The following CPED1 variants were observed in gnomAD, a reference collection of about 807,000 sequenced individuals.
CPED1 encodes cadherin-like and PC-esterase domain-containing protein 1.
In CPED1, 114 loss-of-function variants were observed where a neutral mutation model predicts 128.2. The ratio of observed to expected loss-of-function variants is 0.89; its 90% CI spans 0.76 to 1.04. CPED1 has a LOEUF of 1.04. Among genes scored for constraint, CPED1 ranks in the 50% least tolerant of loss-of-function variants. The pLI is 0.00. For synonymous variants in CPED1, 462 were observed against 426.7 expected, an observed-to-expected ratio of 1.08 and a Z score of -1.02; for missense variants, 1,211 against 1,207.1, an observed-to-expected ratio of 1.00 and a Z score of -0.05.
chr7:121,273,753 G>T (rs1412977253), intron 22 of CPED1, among the ~76,000 whole-genome samples: 3 of 152,146 alleles, frequency 2.0e-5, no homozygotes, highest in Non-Finnish European at 4.4e-5. Flanking sequence ...TTGCAGAACA[G>T]ATTTTAAGCT....
intron 7 of CPED1, among the ~76,000 whole-genome samples, chr7:121,105,878 C>T (rs535192624): frequency 3.4e-4 from 52 of 152,190 alleles, no homozygotes; most frequent in African/African-American, 1.1e-3. Flanking sequence ...TTTGTACATT[C>T]GTTAATTCTG....
chr7:121,132,176 G>A (rs2116339324), intron 12 of CPED1, among the ~76,000 whole-genome samples: 1 of 152,128 alleles, frequency 6.6e-6, no homozygotes, highest in East Asian at 1.9e-4. Flanking sequence ...CAATGAGGAT[G>A]CATGTTATAT....
chr7:121,060,815 T>C (rs113447464), intron 4 of CPED1, among the ~76,000 whole-genome samples: 2,022 of 152,292 alleles, frequency 0.013, 28 homozygotes, highest in Middle Eastern at 0.034. Context: ...TGTGGAAGCT[T>C]TGTTCTTTTG....
chr7:121,008,928 C>G (rs1442856934), intron 2 of CPED1, among the ~76,000 whole-genome samples: 1 of 152,138 alleles, frequency 6.6e-6, no homozygotes. Context: ...GTTTTGCCAT[C>G]CAAAATCTGT....
chr7:121,088,509 A>C (rs1185960490), intron 5 of CPED1, among the ~76,000 whole-genome samples: 1 of 151,578 alleles, frequency 6.6e-6, no homozygotes, highest in African/African-American at 2.4e-5. Context: ...AATACAAAAA[A>C]TTAGTTGGGT....
intron 3 of CPED1, among the ~76,000 whole-genome samples, chr7:121,037,999 CTT>C (rs1237872804): frequency 6.6e-6 from 1 of 152,146 alleles, no homozygotes; most frequent in Non-Finnish European, 1.5e-5. Flanking sequence ...TATCCTGAAA[CTT>C]TGCTGAATTC....
intron 2 of CPED1, chr7:120,994,214 C>T (rs1287823509): frequency 6.5e-6 from 1 of 152,716 alleles, no homozygotes; most frequent in Non-Finnish European, 1.5e-5. Flanking sequence ...TGGCAAGAGG[C>T]CTCTCTTCTT....
At chr7:121,070,244 T>C (rs1320220155) in intron 5 of CPED1, among the ~76,000 whole-genome samples, 3 of 151,178 alleles carry the variant, frequency 2.0e-5, no homozygotes, top group Admixed American at 2.0e-4. Flanking sequence ...ATAATAGTTA[T>C]TTATTTTAGG....
intron 3 of CPED1, among the ~76,000 whole-genome samples, chr7:121,021,613 A>G (rs1475704904): frequency 6.6e-6 from 1 of 152,026 alleles, no homozygotes; most frequent in Non-Finnish European, 1.5e-5. Flanking sequence ...TAGGCTTTGG[A>G]AATTAAAAAG....
chr7:121,291,992 GT>G (rs562553719), intron 22 of CPED1, among the ~76,000 whole-genome samples: 6 of 151,864 alleles, frequency 4.0e-5, no homozygotes, highest in Non-Finnish European at 7.4e-5. Flanking sequence ...CCTAGTTGGG[GT>G]TGCTCTTCTT....
chr7:121,050,827 C>T (rs1450153618), intron 4 of CPED1: 5 of 462,960 alleles, frequency 1.1e-5, no homozygotes, highest in Admixed American at 7.0e-5. Context: ...GGAGCGGCAG[C>T]GGCCAGGCAG....
At chr7:121,193,992 C>T (rs1167497275) in intron 16 of CPED1, among the ~76,000 whole-genome samples, 1 of 128,850 alleles carries the variant, frequency 7.8e-6, no homozygotes, top group African/African-American at 2.9e-5. Flanking sequence ...CATGGATGAG[C>T]AAGCTCTCTC....
In CPED1 at chr7:120,989,504, C is replaced by G; in HGVS notation, c.-118C>G. On this transcript the variant is annotated 5_prime_UTR_variant, in exon 2 of 23. Transcript: ENST00000310396. ...GGAAAATTCTTAAGCAGGGATGAAG[C>G]AAACTTGATTGGAGTTGGGGAAAAA... The G allele has an allele frequency of 7.3e-7, 1 of 1,366,720 alleles. No homozygotes were observed. The highest frequency in any genetic ancestry group is 1.4e-5 in the South Asian group (1 of 72,262). 84.7% of individuals were successfully genotyped at this position (1,366,720 alleles called of 1,614,324 possible). A position where few individuals can be genotyped will look rare whatever the true frequency, so the allele number is the denominator to read the frequency against.
chr7:121,117,078 T>TATATATATATATATATATATAA (rs1795262757), intron 7 of CPED1, among the ~76,000 whole-genome samples: 2 of 9,278 alleles, frequency 2.2e-4, no homozygotes, highest in African/African-American at 3.0e-4. Flanking sequence ...ATATACACAT[T>TATATATATATATATATATATAA]ATATATATAT....
At chr7:121,150,871 C>T (rs1796142403) in intron 16 of CPED1, among the ~76,000 whole-genome samples, 2 of 152,002 alleles carry the variant, frequency 1.3e-5, no homozygotes, top group East Asian at 1.9e-4. Flanking sequence ...TGGGGTCAAG[C>T]GATTCTCCTG....
chr7:121,136,547 A>G (rs920225337), intron 14 of CPED1, among the ~76,000 whole-genome samples: 10 of 152,286 alleles, frequency 6.6e-5, no homozygotes, highest in South Asian at 2.1e-4. Context: ...TAACCAAGAC[A>G]TAATACGAGA....
At chr7:121,141,635 A>G (rs912198288) in intron 15 of CPED1, among the ~76,000 whole-genome samples, 30 of 152,010 alleles carry the variant, frequency 2.0e-4, no homozygotes, top group Non-Finnish European at 4.4e-5. Flanking sequence ...TGATGTGTTT[A>G]CCAGTTCTAG....
At chr7:121,070,850 G>T (rs6970001) in intron 5 of CPED1, among the ~76,000 whole-genome samples, 138,060 of 151,954 alleles carry the variant, frequency 0.91, 62,809 homozygotes, top group Middle Eastern at 0.99. Context: ...CCTCCCACCA[G>T]TTCGTAAATA....
At chr7:121,256,141 A>AAAAACAAAC (rs1791866950) in intron 18 of CPED1, among the ~76,000 whole-genome samples, 1 of 143,494 alleles carries the variant, frequency 7.0e-6, no homozygotes, top group African/African-American at 2.6e-5. Flanking sequence ...AAAAAAAAAA[A>AAAAACAAAC]CAAAGCTTAT....
Sources: allele counts gnomAD v4.1 joint callset (sites outside exome capture counted in the v4.1 genomes callset), GRCh38; gene constraint gnomAD v4.1.1; transcripts MANE v1.5; gene names NCBI Gene and HGNC (gene_info 2026-07-23, HGNC 2026-07-21).